SLC2A13: variants seen among roughly 807,000 people sequenced by gnomAD.
The protein encoded by SLC2A13 is solute carrier family 2 member 13.
In SLC2A13, 32 loss-of-function variants were observed where a neutral mutation model predicts 64.4. The ratio of observed to expected loss-of-function variants is 0.50; its 90% CI spans 0.37 to 0.67. The LOEUF is 0.67. Ranked by LOEUF, SLC2A13 falls within the 30% of genes least tolerant of loss-of-function variation. The pLI, the probability that SLC2A13 is intolerant of heterozygous loss-of-function variation, is 0.00. For synonymous variants in SLC2A13, 338 were observed against 327.1 expected, an observed-to-expected ratio of 1.03 and a Z score of -0.36; for missense variants, 743 against 829.2, an observed-to-expected ratio of 0.90 and a Z score of 1.28.
At chr12:39,850,494 T>C (rs571804014) in intron 6 of SLC2A13, among the ~76,000 whole-genome samples, 22 of 152,256 alleles carry the variant, frequency 1.4e-4, no homozygotes, top group Admixed American at 1.4e-3. Flanking sequence ...GATGCTTAGG[T>C]TTCTGAATTT....
intron 4 of SLC2A13, among the ~76,000 whole-genome samples, chr12:39,904,545 C>A (rs1488169255): frequency 2.0e-5 from 3 of 152,072 alleles, no homozygotes; most frequent in Non-Finnish European, 4.4e-5. Context: ...CTTTCATATG[C>A]CAACTGCCAC....
chr12:39,916,990 A>T (rs1173676707), intron 4 of SLC2A13, among the ~76,000 whole-genome samples: 1 of 152,126 alleles, frequency 6.6e-6, no homozygotes, highest in African/African-American at 2.4e-5. Context: ...TAATTATACC[A>T]GCCCCTATTA....
At chr12:40,081,806 T>C (rs1013973989) in intron 1 of SLC2A13, among the ~76,000 whole-genome samples, 2 of 152,224 alleles carry the variant, frequency 1.3e-5, no homozygotes, top group African/African-American at 2.4e-5. Flanking sequence ...CTGTGTGAGA[T>C]GATGTTTCTT....
chr12:40,075,558 T>C (rs1355762226), intron 1 of SLC2A13, among the ~76,000 whole-genome samples: 2 of 152,204 alleles, frequency 1.3e-5, no homozygotes, highest in African/African-American at 4.8e-5. Context: ...AATTTGATTA[T>C]AATATTATCT....
intron 4 of SLC2A13, among the ~76,000 whole-genome samples, chr12:39,880,398 T>C (rs1257277286): frequency 1.3e-5 from 2 of 152,202 alleles, no homozygotes; most frequent in East Asian, 1.9e-4. Flanking sequence ...TTTGGTACAC[T>C]GAGAAATCCT....
At chr12:39,978,476 C>T (rs1038160798) in intron 3 of SLC2A13, among the ~76,000 whole-genome samples, 23 of 152,186 alleles carry the variant, frequency 1.5e-4, no homozygotes, top group African/African-American at 5.3e-4. Flanking sequence ...GCACCGTGCG[C>T]GAGCCGAAGC....
chr12:39,848,698 T>C (rs1592201597), intron 6 of SLC2A13, among the ~76,000 whole-genome samples: 1 of 152,260 alleles, frequency 6.6e-6, no homozygotes, highest in Middle Eastern at 3.4e-3. Context: ...TGTAAAGCAT[T>C]CTACCATAAA....
chr12:39,830,582 A>G, intron 6 of SLC2A13: 3 of 649,966 alleles, frequency 4.6e-6, no homozygotes, highest in Non-Finnish European at 5.8e-6. Context: ...ATTGTGATCC[A>G]GCCCTGACTG....
chr12:39,951,881 G>C (rs1003918250), intron 3 of SLC2A13, among the ~76,000 whole-genome samples: 4 of 152,012 alleles, frequency 2.6e-5, no homozygotes, highest in Admixed American at 2.6e-4. Context: ...GTCAGCCTTG[G>C]TTATAGCTAC....
intron 1 of SLC2A13, among the ~76,000 whole-genome samples, chr12:40,088,537 A>G (rs945159851): frequency 6.6e-6 from 1 of 152,154 alleles, no homozygotes; most frequent in Admixed American, 6.6e-5. Context: ...GCTCTACAGA[A>G]GTGGGATTTG....
chr12:39,769,035 A>C (rs1036249112), intron 7 of SLC2A13, among the ~76,000 whole-genome samples: 2 of 152,046 alleles, frequency 1.3e-5, no homozygotes, highest in African/African-American at 2.4e-5. Flanking sequence ...GTGGCTTATT[A>C]ACTTCTTTCA....
intron 6 of SLC2A13, among the ~76,000 whole-genome samples, chr12:39,831,916 T>C (rs1156746221): frequency 6.6e-6 from 1 of 152,158 alleles, no homozygotes; most frequent in Non-Finnish European, 1.5e-5. Flanking sequence ...TAATCCTCTT[T>C]TCTTTATAAA....
At chr12:39,902,155 A>G in intron 4 of SLC2A13, among the ~76,000 whole-genome samples, 1 of 140,842 alleles carries the variant, frequency 7.1e-6, no homozygotes, top group East Asian at 2.3e-4. Flanking sequence ...GAACACATGG[A>G]CACAGGAATG....
chr12:40,045,196 G>T (rs1020986794), intron 2 of SLC2A13, among the ~76,000 whole-genome samples: 24 of 151,876 alleles, frequency 1.6e-4, no homozygotes, highest in African/African-American at 5.8e-4. Context: ...AGTTTCAGAA[G>T]CAATAAAAGC....
intron 1 of SLC2A13, among the ~76,000 whole-genome samples, chr12:40,058,042 CAGATAGATAGATAGATAGATAGATAGAT>C (rs10534370): frequency 6.9e-6 from 1 of 145,148 alleles, no homozygotes; most frequent in African/African-American, 2.5e-5. Flanking sequence ...AATTTCTCTC[CAGATAGATAGATAGATAGATAGATAGAT>C]AGATAGATAG....
chr12:40,031,712 C>T (rs1042741862), intron 2 of SLC2A13, among the ~76,000 whole-genome samples: 14 of 152,206 alleles, frequency 9.2e-5, no homozygotes, highest in Non-Finnish European at 2.1e-4. Context: ...AAATTTTCAG[C>T]AGGTACAACT....
chr12:39,782,950 C>A (rs1302306691), intron 7 of SLC2A13, among the ~76,000 whole-genome samples: 1 of 151,998 alleles, frequency 6.6e-6, no homozygotes, highest in East Asian at 1.9e-4. Flanking sequence ...ATACATGTGC[C>A]ATGTTGGTGT....
At chr12:40,021,251 T>C (rs1050198311) in intron 3 of SLC2A13, among the ~76,000 whole-genome samples, 34 of 152,172 alleles carry the variant, frequency 2.2e-4, no homozygotes, top group African/African-American at 8.0e-4. Flanking sequence ...TTTATCCCCA[T>C]ATAACAACAG....
rs575669217 is a variant in SLC2A13, at chr12:39,866,013, C to T, written c.1199-1131G>A. Among the ~76,000 whole-genome samples, 3 of 152,152 alleles carry T rather than the reference C, an allele frequency of 2.0e-5. No homozygotes were observed. In the South Asian group the frequency reaches 6.2e-4, roughly 32 times the overall value. ...CTTATATAACGAGCCTGCACATGTA[C>T]CCCTGAAATTAAAAGTTAAAAAAGA... On this transcript the variant is annotated intron_variant, in intron 5 of 9. Transcript: ENST00000280871.
Sources: gnomAD v4.1 joint callset for allele counts (sites outside exome capture counted in the v4.1 genomes callset) on GRCh38, gnomAD v4.1.1 for gene constraint, MANE v1.5 for transcripts, NCBI Gene and HGNC (gene_info 2026-07-23, HGNC 2026-07-21) for gene names.